Variants in PATJ observed in about 807,000 individuals in gnomAD.
PATJ encodes the protein inaD-like protein.
In PATJ, 190 loss-of-function variants were observed where a neutral mutation model predicts 224.9. The observed-to-expected ratio is 0.84, with a 90% CI of 0.75 to 0.95. The LOEUF is 0.95. Among genes scored for constraint, PATJ ranks in the 40% least tolerant of loss-of-function variants. The pLI is 0.00. For synonymous variants in PATJ, 769 were observed against 820.3 expected (o/e 0.94, Z 1.07); for missense variants, 2,121 against 2,270.3 (o/e 0.93, Z 1.34).
intron 34 of PATJ, among the ~76,000 whole-genome samples, chr1:62,109,209 CG>C (rs796956052): frequency 4.8e-5 from 7 of 145,710 alleles, no homozygotes; most frequent in African/African-American, 1.8e-4. Context: ...CTTTAGGCCA[CG>C]TTTTTTTTTT....
At chr1:61,901,965 G>A (rs1671220657) in intron 24 of PATJ, among the ~76,000 whole-genome samples, 1 of 152,176 alleles carries the variant, frequency 6.6e-6, no homozygotes. Context: ...GCTCATGCCT[G>A]TAATACCAGC....
intron 11 of PATJ, among the ~76,000 whole-genome samples, chr1:61,798,418 T>C (rs1651797633): frequency 6.6e-6 from 1 of 152,012 alleles, no homozygotes; most frequent in Admixed American, 6.6e-5. Flanking sequence ...ATGCTAGTCT[T>C]GAACTCCTGG....
chr1:62,140,256 G>A (rs1018390803), intron 41 of PATJ, among the ~76,000 whole-genome samples: 1 of 152,180 alleles, frequency 6.6e-6, no homozygotes, highest in African/African-American at 2.4e-5. Flanking sequence ...TCATTTCGGG[G>A]TGGAGGAGTG....
In PATJ at chr1:62,086,619, G is replaced by A. The variant is rs1003821182; in HGVS notation, c.4377+1971G>A. Among the ~76,000 whole-genome samples, 3 of 152,118 alleles carry A rather than the reference G, an allele frequency of 2.0e-5. No individual in the cohort carries two copies. The highest frequency in any genetic ancestry group is 4.4e-5 in the Non-Finnish European group (3 of 68,024). ...AATGTAACATTTTTGTGGTAGTACT[G>A]TTGGGGGTGGGGAGATCCTAATCTA... On this transcript the variant is annotated intron_variant, in intron 33 of 43. Transcript: ENST00000642238. The surrounding 1 kb of genome is among the most constrained non-coding windows in gnomAD (Gnocchi z 4.0).
At chr1:61,938,520 CT>C (rs1245017123) in intron 27 of PATJ, among the ~76,000 whole-genome samples, 1 of 152,056 alleles carries the variant, frequency 6.6e-6, no homozygotes, top group Non-Finnish European at 1.5e-5. Context: ...CATGTACCCC[CT>C]GTATCTAAAA....
At chr1:62,115,862 T>A (rs773993607) in intron 35 of PATJ, among the ~76,000 whole-genome samples, 1 of 151,866 alleles carries the variant, frequency 6.6e-6, no homozygotes, top group African/African-American at 2.4e-5. Context: ...TATTGTGCTG[T>A]CATAATTTCA....
chr1:61,905,847 G>A (rs192815635), intron 24 of PATJ, among the ~76,000 whole-genome samples: 105 of 152,010 alleles, frequency 6.9e-4, no homozygotes, highest in African/African-American at 2.3e-3. Flanking sequence ...AGTCGACACC[G>A]ACTGGATGTC....
chr1:62,094,940 C>A (rs1305725844), intron 33 of PATJ, among the ~76,000 whole-genome samples: 1 of 152,044 alleles, frequency 6.6e-6, no homozygotes, highest in Non-Finnish European at 1.5e-5. Context: ...ATTTGTGAAC[C>A]AAATAGAGTA....
intron 30 of PATJ, among the ~76,000 whole-genome samples, chr1:62,044,370 G>T (rs924100415): frequency 3.3e-5 from 5 of 152,092 alleles, no homozygotes; most frequent in African/African-American, 9.7e-5. Flanking sequence ...TTCATTCTTT[G>T]GTTTCGGAGC....
rs1026129579 is a variant in PATJ, at chr1:62,161,294, T to C, written c.*240T>C. ...GGTTGATTTCTAAAACTTAAATGAG[T>C]CTACCTGTTTTGCATTTAATTTCAG... On this transcript the variant is annotated 3_prime_UTR_variant, in exon 44 of 44. Transcript: ENST00000642238. 1 of 374,256 alleles carries C rather than the reference T, an allele frequency of 2.7e-6. No homozygotes were observed. Among genetic ancestry groups the C allele is most frequent in the Non-Finnish European group, 4.7e-6 (1 of 211,710 alleles). The allele number at this position is 374,256 out of a possible 1,614,324, so 23.2% of individuals were successfully genotyped here. A position where few individuals can be genotyped will look rare whatever the true frequency, so the allele number is the denominator to read the frequency against.
chr1:62,100,109 A>C (rs1016666948), intron 33 of PATJ, among the ~76,000 whole-genome samples: 6 of 136,340 alleles, frequency 4.4e-5, no homozygotes, highest in African/African-American at 1.2e-4. Context: ...TAAGTCCTTA[A>C]TACTTGGTTC....
At chr1:61,969,503 AT>A (rs1682641090) in intron 27 of PATJ, among the ~76,000 whole-genome samples, 2 of 152,128 alleles carry the variant, frequency 1.3e-5, no homozygotes, top group Admixed American at 1.3e-4. Context: ...CTTATTGGCT[AT>A]TTGTATACCA....
intron 9 of PATJ, among the ~76,000 whole-genome samples, chr1:61,791,719 TATATTATGAACATTGTTAAC>T (rs1264713591): frequency 6.6e-6 from 1 of 152,172 alleles, no homozygotes; most frequent in Non-Finnish European, 1.5e-5. Flanking sequence ...GTAAAATAGC[TATATTATGAACATTGTTAAC>T]ATATTATGAT....
At chr1:61,776,006 T>C (rs1646892240) in intron 7 of PATJ, among the ~76,000 whole-genome samples, 1 of 152,220 alleles carries the variant, frequency 6.6e-6, no homozygotes, top group African/African-American at 2.4e-5. Flanking sequence ...ATATGTAAAA[T>C]TTCACTGATT....
chr1:62,121,542 G>T (rs1258782777), intron 38 of PATJ, among the ~76,000 whole-genome samples: 1 of 151,806 alleles, frequency 6.6e-6, no homozygotes, highest in African/African-American at 2.4e-5. Context: ...GTGGCGGGCG[G>T]ATCACCTGAG....
At chr1:61,771,707 C>T (rs1646620890) in intron 6 of PATJ, 81 bp downstream of exon 6, 2 of 971,988 alleles carry the variant, frequency 2.1e-6, no homozygotes, top group Non-Finnish European at 2.9e-6. Flanking sequence ...TAGAAGGTGT[C>T]ATTTTACCTT....
intron 27 of PATJ, among the ~76,000 whole-genome samples, chr1:61,985,778 CT>C (rs1305014000): frequency 6.6e-6 from 1 of 151,992 alleles, no homozygotes; most frequent in Non-Finnish European, 1.5e-5. Context: ...GACTGTGTGG[CT>C]TTTCTTCATG....
chr1:62,121,107 A>T, intron 37 of PATJ, 74 bp from the exon 38 acceptor site: 1 of 911,922 alleles, frequency 1.1e-6, no homozygotes, highest in Non-Finnish European at 1.7e-6. Flanking sequence ...TAATTGGCAC[A>T]CTAATGGATA....
At chr1:61,929,836 A>G (rs1240890254) in intron 27 of PATJ, among the ~76,000 whole-genome samples, 1 of 152,166 alleles carries the variant, frequency 6.6e-6, no homozygotes, top group Non-Finnish European at 1.5e-5. Flanking sequence ...CCTGACCAAC[A>G]TGGTGAAACC....
Sources: allele counts gnomAD v4.1 joint callset (sites outside exome capture counted in the v4.1 genomes callset), GRCh38; gene constraint gnomAD v4.1.1; non-coding constraint Gnocchi (gnomAD v3.1); transcripts MANE v1.5; gene names NCBI Gene and HGNC (gene_info 2026-07-23, HGNC 2026-07-21).